The following NEK1 variants were observed in gnomAD, a reference collection of about 807,000 sequenced individuals.
NEK1 encodes the protein NIMA related kinase 1.
NEK1 carries 137 observed loss-of-function variants against 182.1 expected under a neutral mutation model. That is an observed-to-expected ratio of 0.75 (90% CI 0.65 to 0.87). NEK1 has a LOEUF of 0.87. NEK1 is among the 40% of genes least tolerant of loss of function. The pLI is 0.00. For synonymous variants in NEK1, 513 were observed against 492.2 expected (o/e 1.04, Z -0.56); for missense variants, 1,391 against 1,494.4 (o/e 0.93, Z 1.14).
At chr4:169,513,489 T>G (rs1427076203) in intron 19 of NEK1, among the ~76,000 whole-genome samples, 1 of 152,208 alleles carries the variant, frequency 6.6e-6, no homozygotes, top group African/African-American at 2.4e-5. Context: ...TTCTGGGAAT[T>G]TCCCATTCAG....
At chr4:169,571,793 A>G (rs1479900237) in intron 12 of NEK1, among the ~76,000 whole-genome samples, 1 of 151,868 alleles carries the variant, frequency 6.6e-6, no homozygotes, top group African/African-American at 2.4e-5. Context: ...CAGTGGCATG[A>G]TCTCAGCTCA....
At chr4:169,610,447 G>C (rs1040902251) in intron 2 of NEK1, among the ~76,000 whole-genome samples, 1 of 151,944 alleles carries the variant, frequency 6.6e-6, no homozygotes, top group Non-Finnish European at 1.5e-5. Context: ...CCAAGTAGCT[G>C]GGATTACAGG....
chr4:169,400,525 A>T lies in NEK1; in HGVS notation c.3710T>A (p.Ile1237Lys), dbSNP rs1439154540. The T allele has an allele frequency of 6.3e-7, 1 of 1,596,412 alleles. No homozygotes were observed. The highest frequency in any genetic ancestry group is 8.5e-7 in the Non-Finnish European group (1 of 1,174,208). The change falls in exon 34 of 36, where the codon ATA becomes AAA. Residue 1237 changes from isoleucine to lysine, a missense_variant. Around this residue, in one of 5 missense-constraint regions of NEK1, gnomAD observed 1,216 missense variants for 1,277.6 expected, o/e 0.95. Coordinates refer to ENST00000507142, the MANE Select transcript of NEK1 (RefSeq NM_001199397.3). ...TTTAATTGACTTTTCACTTACCTTT[A>T]TTTTCTCATAAACCTCAAAGAATTT... is the stretch of plus-strand genomic sequence containing the variant. ...FEKFFEVYEK[I>K]KAIHEDEDEN...
chr4:169,491,659 A>T (rs975014031), intron 23 of NEK1, among the ~76,000 whole-genome samples: 1 of 152,226 alleles, frequency 6.6e-6, no homozygotes, highest in African/African-American at 2.4e-5. Context: ...TACCACAAGA[A>T]CATATCAAAG....
At chr4:169,451,198 C>T (rs992791381) in intron 27 of NEK1, among the ~76,000 whole-genome samples, 2 of 152,160 alleles carry the variant, frequency 1.3e-5, no homozygotes, top group African/African-American at 2.4e-5. Flanking sequence ...GAGACTTTAA[C>T]ACCCAACTGT....
chr4:169,414,191 T>C (rs905335442), intron 31 of NEK1, among the ~76,000 whole-genome samples: 5 of 152,206 alleles, frequency 3.3e-5, no homozygotes, highest in African/African-American at 1.2e-4. Flanking sequence ...AAAATATTAA[T>C]AATTGTGAAC....
chr4:169,415,638 T>C (rs923202292), intron 31 of NEK1, among the ~76,000 whole-genome samples: 1 of 152,134 alleles, frequency 6.6e-6, no homozygotes, highest in African/African-American at 2.4e-5. Flanking sequence ...TAAACAAATA[T>C]GTAGTATAAA....
Position 169,401,766 on chromosome 4 carries a change from C to T in NEK1, c.3469G>A (p.Glu1157Lys). The change falls in exon 33 of 36, where the codon GAA (glutamate) becomes AAA (lysine). Residue 1157 changes from glutamate to lysine, a missense_variant. This residue lies in a region of NEK1 where 1,216 missense variants were observed against 1,277.6 expected (regional missense o/e 0.95). Transcript: ENST00000507142. ...EQPGEEYSEE[E>K]ESVLKNSDVE... Reference sequence around the variant, plus strand: ...TCACTGTTCTTCAAGACTGACTCTTCTTCTTCACTGTATTCTTCACCAGGT... The same window carrying T: ...TCACTGTTCTTCAAGACTGACTCTTTTTCTTCACTGTATTCTTCACCAGGT... The T allele has an allele frequency of 6.2e-7, 1 of 1,613,930 alleles. No homozygotes were observed. Among genetic ancestry groups the T allele is most frequent in the South Asian group, 1.1e-5 (1 of 91,074 alleles).
At chr4:169,527,076 C>T (rs1209163437) in intron 19 of NEK1, among the ~76,000 whole-genome samples, 1 of 152,056 alleles carries the variant, frequency 6.6e-6, no homozygotes, top group Non-Finnish European at 1.5e-5. Flanking sequence ...CAGAGGAAAA[C>T]AAAAGATTAA....
chr4:169,556,201 T>A, intron 16 of NEK1, 106 bp from the exon 17 acceptor site: 1 of 1,000,228 alleles, frequency 1.0e-6, no homozygotes, highest in Non-Finnish European at 1.4e-6. Flanking sequence ...TTTTAAAAAG[T>A]AATTACTTAA....
Position 169,593,792 on chromosome 4 carries a change from T to A in NEK1, c.313-2983A>T, listed in dbSNP as rs1768954155. 2.0e-5 allele frequency among the ~76,000 whole-genome samples: 3 copies of A among 151,998 alleles called. No homozygotes were observed. In the South Asian group the frequency reaches 6.2e-4, roughly 32 times the overall value. ...TCACGAGGTCAGGAGATCGAGACCA[T>A]CCTGGCTAACACGGTGAAACCCCGT... On this transcript the variant is annotated intron_variant, in intron 5 of 35. Coordinates refer to ENST00000507142, the MANE Select transcript of NEK1 (RefSeq NM_001199397.3).
chr4:169,441,069 C>G (rs774994784), intron 27 of NEK1, among the ~76,000 whole-genome samples: 65 of 152,306 alleles, frequency 4.3e-4, no homozygotes, highest in Non-Finnish European at 8.7e-4. Context: ...AGCCAGGTCC[C>G]TAGTCCTCTA....
chr4:169,522,821 T>C (rs879641478), intron 19 of NEK1, among the ~76,000 whole-genome samples: 4 of 152,200 alleles, frequency 2.6e-5, no homozygotes, highest in Non-Finnish European at 5.9e-5. Context: ...CCTATCTTTG[T>C]TGGGATTCCC....
At chr4:169,507,678 T>C in intron 22 of NEK1, 37 bp downstream of exon 22, 3 of 1,512,024 alleles carry the variant, frequency 2.0e-6, no homozygotes, top group Non-Finnish European at 2.7e-6. Flanking sequence ...AGCTTTCAAT[T>C]TTCTCTAAGA....
intron 19 of NEK1, among the ~76,000 whole-genome samples, chr4:169,531,527 A>T (rs1757678269): frequency 6.6e-6 from 1 of 151,652 alleles, no homozygotes; most frequent in South Asian, 2.1e-4. Context: ...TATATGCTAT[A>T]GGAGAGTACC....
At position 169,562,994 on chromosome 4, in the gene NEK1, T is replaced by C. The variant is rs1358809415; in HGVS notation, c.1021-798A>G. Among the ~76,000 whole-genome samples, 8 of 152,334 alleles carry C rather than the reference T, an allele frequency of 5.3e-5. No individual in the cohort carries two copies. In the East Asian group the frequency reaches 5.8e-4, roughly 11 times the overall value. ...TGCATCTGTTTTCTTCATGGATATA[T>C]AGCATTCTATTAATTTTGATTCCTT... On this transcript the variant is annotated intron_variant, in intron 12 of 35. Transcript: ENST00000507142.
chr4:169,577,163 T>C (rs1765820334), intron 11 of NEK1, 84 bp from the exon 12 acceptor site: 2 of 1,257,244 alleles, frequency 1.6e-6, no homozygotes, highest in South Asian at 2.7e-5. Flanking sequence ...TAGCACTGTT[T>C]AATTTTCATA....
At chr4:169,597,480 T>A (rs1769712151) in intron 5 of NEK1, among the ~76,000 whole-genome samples, 1 of 152,020 alleles carries the variant, frequency 6.6e-6, no homozygotes, top group African/African-American at 2.4e-5. Flanking sequence ...AATAAATTTT[T>A]AAAAAATTAG....
At chr4:169,552,315 C>T (rs1761543053) in intron 18 of NEK1, among the ~76,000 whole-genome samples, 1 of 150,250 alleles carries the variant, frequency 6.7e-6, no homozygotes, top group African/African-American at 2.4e-5. Flanking sequence ...TAATCCATCA[C>T]ATCAATAAGC....
Sources: allele counts gnomAD v4.1 joint callset (sites outside exome capture counted in the v4.1 genomes callset), GRCh38; gene constraint gnomAD v4.1.1; regional missense constraint gnomAD v4.1.1; transcripts MANE v1.5; gene names NCBI Gene and HGNC (gene_info 2026-07-23, HGNC 2026-07-21).